The following CPLX1 variants were observed in gnomAD, a reference collection of about 807,000 sequenced individuals.
The protein encoded by CPLX1 is complexin-1.
A neutral mutation model predicts 15.6 loss-of-function variants in CPLX1; 6 were observed. The observed-to-expected ratio is 0.39, with a 90% CI of 0.21 to 0.76. The LOEUF (loss-of-function observed/expected upper bound fraction) is 0.76, where lower values mean the gene tolerates loss of function less well. Among genes scored for constraint, CPLX1 ranks in the 30% least tolerant of loss-of-function variants. The pLI is 0.43. For missense variants in CPLX1, 242 were observed against 188.6 expected (o/e 1.28, Z -1.66); for synonymous variants, 91 against 75.2 (o/e 1.21, Z -1.08).
intron 3 of CPLX1, chr4:787,532 T>C: frequency 4.7e-6 from 3 of 643,868 alleles, no homozygotes; most frequent in Non-Finnish European, 5.8e-6. Flanking sequence ...AGAGTGTCCT[T>C]GTAAGAGACA....
chr4:795,515 A>T (rs1746307271), intron 2 of CPLX1, among the ~76,000 whole-genome samples: 1 of 152,138 alleles, frequency 6.6e-6, no homozygotes, highest in African/African-American at 2.4e-5. Context: ...CTCTGATTGC[A>T]GGGGGGTCGG....
At position 786,309 on chromosome 4, in the gene CPLX1, G is replaced by C; in HGVS notation, c.*192C>G. 2.1e-6 allele frequency: 1 copy of C among 473,472 alleles called. No individual in the cohort carries two copies. The highest frequency in any genetic ancestry group is 3.6e-6 in the Non-Finnish European group (1 of 275,284). The allele number at this position is 473,472 out of a possible 1,614,324, so 29.3% of individuals were successfully genotyped here. A position where few individuals can be genotyped will look rare whatever the true frequency, so the allele number is the denominator to read the frequency against. On this transcript the variant is annotated 3_prime_UTR_variant, in exon 4 of 4. Transcript: ENST00000304062. ...GCCACCCGCGGGCAGAGGAGCACGGGGCGGACTGGGGGGGTCCTGGGGGCG... is the reference window on the plus strand; with the variant it reads ...GCCACCCGCGGGCAGAGGAGCACGGCGCGGACTGGGGGGGTCCTGGGGGCG...
chr4:786,289 C>T lies in CPLX1; in HGVS notation c.*212G>A, dbSNP rs959966834. 2.8e-5 allele frequency: 12 copies of T among 421,466 alleles called. No individual in the cohort carries two copies. The highest frequency in any genetic ancestry group is 4.4e-5 in the Admixed American group (1 of 22,756). 26.1% of individuals were successfully genotyped at this position (421,466 alleles called of 1,614,324 possible). ...TCCCAGGCGATGGGGCTCCAGCCACCCGCGGGCAGAGGAGCACGGGGCGGA... is the reference window on the plus strand; with the variant it reads ...TCCCAGGCGATGGGGCTCCAGCCACTCGCGGGCAGAGGAGCACGGGGCGGA... On this transcript the variant is annotated 3_prime_UTR_variant, in exon 4 of 4. Transcript: ENST00000304062.
chr4:787,901 AT>A, intron 3 of CPLX1: 1 of 985,316 alleles, frequency 1.0e-6, no homozygotes, highest in African/African-American at 1.7e-5. Flanking sequence ...GCCTGGAAGG[AT>A]TGGGGGCCTG....
intron 1 of CPLX1, among the ~76,000 whole-genome samples, chr4:825,569 C>T (rs2152649464): frequency 6.6e-6 from 1 of 151,940 alleles, no homozygotes; most frequent in South Asian, 2.1e-4. Context: ...TGCGGGCGGG[C>T]GAGCGGCCCT....
intron 2 of CPLX1, among the ~76,000 whole-genome samples, chr4:817,246 TAAAA>T (rs35754733): frequency 4.5e-5 from 6 of 132,656 alleles, no homozygotes; most frequent in African/African-American, 5.6e-5. Flanking sequence ...TGGGTGAATG[TAAAA>T]AAAAAAAAAA....
intron 2 of CPLX1, among the ~76,000 whole-genome samples, chr4:808,443 G>A (rs963166422): frequency 6.6e-6 from 1 of 152,108 alleles, no homozygotes; most frequent in African/African-American, 2.4e-5. Flanking sequence ...CACGCTCCCG[G>A]CAAGCCCAGG....
intron 2 of CPLX1, among the ~76,000 whole-genome samples, chr4:805,248 C>T (rs746946135): frequency 6.6e-6 from 1 of 152,232 alleles, no homozygotes; most frequent in Non-Finnish European, 1.5e-5. Context: ...TATGAATATA[C>T]CCCTGTTGTT....
At chr4:825,736 G>C (rs1381130252) in intron 1 of CPLX1, among the ~76,000 whole-genome samples, 1 of 150,706 alleles carries the variant, frequency 6.6e-6, no homozygotes, top group Non-Finnish European at 1.5e-5. Flanking sequence ...CGGACCCCGC[G>C]CGCGCGGAGC....
Position 786,696 on chromosome 4 carries a change from G to C in CPLX1, c.210C>G (p.Tyr70Ter). 3 of 1,595,566 alleles carry C rather than the reference G, an allele frequency of 1.9e-6. No individual in the cohort carries two copies. The highest frequency in any genetic ancestry group is 2.6e-6 in the Non-Finnish European group (3 of 1,169,626). Residue 70 changes from tyrosine to a stop codon, truncating the protein, a stop_gained and splice_region_variant, in exon 4 of 4, where the codon TAC becomes TAG. Transcript: ENST00000304062. LOFTEE classifies it high-confidence loss of function. ...EAVRQGIRDKYGIKKKEEREA... is the reference protein window; with the variant it reads ...EAVRQGIRDK ...CGCGCTCCTCCTTCTTCTTGATGCC[G>C]TACTGCGGGGGAGGCGGGGGTCAGG... is the stretch of plus-strand genomic sequence containing the variant.
chr4:804,867 G>A, intron 2 of CPLX1: 1 of 930,344 alleles, frequency 1.1e-6, no homozygotes, highest in Non-Finnish European at 1.3e-6. Context: ...CGGGAAAGGT[G>A]GGCGGCGGCA....
chr4:790,381 C>T (rs920567820), intron 3 of CPLX1, among the ~76,000 whole-genome samples: 1 of 152,190 alleles, frequency 6.6e-6, no homozygotes, highest in Admixed American at 6.5e-5. Context: ...GCCTGACCGG[C>T]GAGCCCTGCA....
chr4:812,939 G>A (rs1314195982), intron 2 of CPLX1, among the ~76,000 whole-genome samples: 1 of 152,000 alleles, frequency 6.6e-6, no homozygotes, highest in Non-Finnish European at 1.5e-5. Context: ...GCTTATTGAC[G>A]TGCCTTTCCA....
chr4:820,783 A>G (rs62294159), intron 2 of CPLX1, among the ~76,000 whole-genome samples: 3 of 85,860 alleles, frequency 3.5e-5, no homozygotes, highest in African/African-American at 7.3e-5. Context: ...CACCAGCCTC[A>G]CGTGAACCCC....
At position 787,039 on chromosome 4, in the gene CPLX1, C is replaced by T. The variant is rs150467086; in HGVS notation, c.208-341G>A. 4,691 of 985,372 alleles carry T rather than the reference C, an allele frequency of 4.8e-3. 27 individuals are homozygous for T. Among genetic ancestry groups the T allele is most frequent in the Middle Eastern group, 0.031 (59 of 1,914 alleles). The allele number at this position is 985,372 out of a possible 1,614,324, so 61.0% of individuals were successfully genotyped here. A position where few individuals can be genotyped will look rare whatever the true frequency, so the allele number is the denominator to read the frequency against. On this transcript the variant is annotated intron_variant, in intron 3 of 3. Coordinates refer to ENST00000304062, the MANE Select transcript of CPLX1 (RefSeq NM_006651.4). ...CCTGCCTTCCAGGAAGCCTCCGGCC[C>T]GGGGCAGGGAGGGGTGGGCAGGATG...
At chr4:824,198 A>G (rs1746928732) in intron 2 of CPLX1, among the ~76,000 whole-genome samples, 2 of 152,222 alleles carry the variant, frequency 1.3e-5, no homozygotes, top group Non-Finnish European at 2.9e-5. Flanking sequence ...CAGGACGTGC[A>G]TCAGCATGGT....
At chr4:801,490 G>T (rs570526501) in intron 2 of CPLX1, among the ~76,000 whole-genome samples, 2 of 152,150 alleles carry the variant, frequency 1.3e-5, no homozygotes, top group South Asian at 2.1e-4. Flanking sequence ...ACATGATGTC[G>T]CAGCCATTGT....
intron 2 of CPLX1, among the ~76,000 whole-genome samples, chr4:802,504 G>A (rs1746477578): frequency 6.6e-6 from 1 of 152,160 alleles, no homozygotes; most frequent in Non-Finnish European, 1.5e-5. Context: ...AAAAGCTAGA[G>A]ATATTACAGG....
Position 804,824 on chromosome 4 carries a change from G to C in CPLX1, c.32-12216C>G, listed in dbSNP as rs993943612. The C allele has an allele frequency of 4.8e-5, 47 of 985,264 alleles. 1 individual carries two copies. Among genetic ancestry groups the C allele is most frequent in the Non-Finnish European group, 8.4e-6 (7 of 829,922 alleles). The allele number at this position is 985,264 out of a possible 1,614,324, so 61.0% of individuals were successfully genotyped here. A position where few individuals can be genotyped will look rare whatever the true frequency, so the allele number is the denominator to read the frequency against. ...TCTGGCGGTCGTCAGCCTGGAGGCC[G>C]GCAAGCGTGGGGAGCGACGTGCTCA... On this transcript the variant is annotated intron_variant, in intron 2 of 3. Transcript: ENST00000304062.
Sources: allele counts gnomAD v4.1 joint callset (sites outside exome capture counted in the v4.1 genomes callset), GRCh38; gene constraint gnomAD v4.1.1; transcripts MANE v1.5; gene names NCBI Gene and HGNC (gene_info 2026-07-23, HGNC 2026-07-21).